Variants in COL4A1 observed in about 807,000 individuals in gnomAD.
COL4A1 encodes the protein collagen alpha-1(IV) chain.
COL4A1 carries 40 observed loss-of-function variants against 216.6 expected under a neutral mutation model. The ratio of observed to expected loss-of-function variants is 0.18; its 90% CI spans 0.14 to 0.24. COL4A1 has a LOEUF of 0.24. Among genes scored for constraint, COL4A1 ranks in the 10% least tolerant of loss-of-function variants. The probability of loss-of-function intolerance (pLI) is 1.00; values close to 1 mark genes in which losing one functional copy is unlikely to be tolerated. For missense variants in COL4A1, 1,628 were observed against 2,196.8 expected, an observed-to-expected ratio of 0.74 and a Z score of 5.18; for synonymous variants, 839 against 810.7, an observed-to-expected ratio of 1.03 and a Z score of -0.59.
intron 2 of COL4A1, among the ~76,000 whole-genome samples, chr13:110,228,128 G>A (rs928848918): frequency 2.0e-5 from 3 of 152,018 alleles, no homozygotes; most frequent in African/African-American, 4.8e-5. Context: ...GGACCATCGC[G>A]GAGCACCTGC....
chr13:110,227,387 G>GACACACACACACAC (rs373355054), intron 2 of COL4A1, among the ~76,000 whole-genome samples: 1 of 138,672 alleles, frequency 7.2e-6, no homozygotes, highest in Non-Finnish European at 1.5e-5. Context: ...GGGTACGGTA[G>GACACACACACACAC]ACACACACAC....
At position 110,203,756 on chromosome 13, in the gene COL4A1, C is replaced by G. The variant is rs572763830; in HGVS notation, c.958-149G>C. ...CTCTTTAATATCTCTCATTCTGTGACGATTACAACAAAAATGAATAGATTT... is the reference window on the plus strand; with the variant it reads ...CTCTTTAATATCTCTCATTCTGTGAGGATTACAACAAAAATGAATAGATTT... On this transcript the variant is annotated intron_variant, in intron 17 of 51. Transcript: ENST00000375820. The G allele has an allele frequency of 1.8e-4, 151 of 819,556 alleles. No homozygotes were observed. In the East Asian group the frequency reaches 3.9e-3, roughly 21 times the overall value. 50.8% of individuals were successfully genotyped at this position (819,556 alleles called of 1,614,324 possible).
chr13:110,183,066 C>T lies in COL4A1; in HGVS notation c.2022G>A (p.Arg674=), dbSNP rs755517991. The T allele has an allele frequency of 6.2e-7, 1 of 1,613,296 alleles. No homozygotes were observed. Among genetic ancestry groups the T allele is most frequent in the South Asian group, 1.1e-5 (1 of 90,906 alleles). The part of the protein sequence containing the change: ...GDRGFPGTPG[R]PGLPGEKGAV... ...CGCCCTTCTCTCCTGGCAGGCCTGG[C>T]CTTCCTGGGGTTCCGGGAAAGCCTC... is the stretch of plus-strand genomic sequence containing the variant. The change falls in exon 28 of 52, where the codon AGG becomes AGA. Residue 674 remains arginine (R), a synonymous_variant. Transcript: ENST00000375820.
intron 19 of COL4A1, 85 bp downstream of exon 19, chr13:110,201,349 GAGGA>G: frequency 1.2e-6 from 1 of 815,066 alleles, no homozygotes; most frequent in Non-Finnish European, 1.9e-6. Flanking sequence ...GGAACAGGAG[GAGGA>G]GGAGGAAGAG....
intron 1 of COL4A1, among the ~76,000 whole-genome samples, chr13:110,271,297 A>T (rs1883235936): frequency 6.6e-6 from 1 of 152,186 alleles, no homozygotes; most frequent in Admixed American, 6.5e-5. Flanking sequence ...GTAAGAGGAG[A>T]AGCAAGATAT....
chr13:110,150,330 A>G lies in COL4A1; in HGVS notation c.*33T>C. The G allele has an allele frequency of 6.3e-7, 1 of 1,594,894 alleles. No homozygotes were observed. The highest frequency in any genetic ancestry group is 1.1e-5 in the South Asian group (1 of 89,858). On this transcript the variant is annotated 3_prime_UTR_variant, in exon 52 of 52. Transcript: ENST00000375820. The stretch of plus-strand genomic sequence containing the variant: ...GTTAACAAAAAGAAGAAGAAGTAGC[A>G]CCATGTTGTGACATTAGCTGAGTCA...
intron 1 of COL4A1, among the ~76,000 whole-genome samples, chr13:110,267,700 G>T (rs191362241): frequency 6.6e-6 from 1 of 152,266 alleles, no homozygotes; most frequent in African/African-American, 2.4e-5. Flanking sequence ...ACATGGAGTA[G>T]ATAATAGCTA....
intron 2 of COL4A1, among the ~76,000 whole-genome samples, chr13:110,229,065 A>G (rs1388096324): frequency 2.6e-5 from 4 of 151,992 alleles, no homozygotes; most frequent in Non-Finnish European, 4.4e-5. Context: ...ATGAAGGCAC[A>G]TTGGCTCAAT....
rs1439215865 is a variant in COL4A1, at chr13:110,163,519, G to T, written c.4193C>A (p.Pro1398His). 2.5e-6 allele frequency: 4 copies of T among 1,614,116 alleles called. No individual in the cohort carries two copies. The highest frequency in any genetic ancestry group is 1.7e-5 in the Admixed American group (1 of 60,020). ...CTGGCCAGGGGCACCGTCAAACCCAGGAATACCTGGAGGTCCAGGTATACC... is the reference window on the plus strand; with the variant it reads ...CTGGCCAGGGGCACCGTCAAACCCATGAATACCTGGAGGTCCAGGTATACC... ...LVGIPGPPGIPGFDGAPGQKG... is the reference protein window; with the variant it reads ...LVGIPGPPGIHGFDGAPGQKG... The change falls in exon 47 of 52, where the codon CCT (proline) becomes CAT (histidine). Residue 1398 changes from proline (P) to histidine (H), a missense_variant. Pro to His is a moderately conservative substitution (Grantham distance 77). Around this residue, in one of 8 missense-constraint regions of COL4A1, gnomAD observed 345 missense variants for 476.9 expected, o/e 0.72. Coordinates refer to ENST00000375820, the MANE Select transcript of COL4A1 (RefSeq NM_001845.6).
intron 1 of COL4A1, among the ~76,000 whole-genome samples, chr13:110,275,736 A>G (rs1284339846): frequency 3.9e-5 from 6 of 152,250 alleles, no homozygotes. Context: ...AGCTATCAAG[A>G]CGTGAACAGA....
chr13:110,164,792 G>C, intron 46 of COL4A1, 70 bp downstream of exon 46: 1 of 1,582,188 alleles, frequency 6.3e-7, no homozygotes, highest in East Asian at 2.3e-5. Context: ...AGATACATGG[G>C]TGAGGAGGAA....
At chr13:110,243,520 T>C (rs1261455113) in intron 1 of COL4A1, among the ~76,000 whole-genome samples, 1 of 152,202 alleles carries the variant, frequency 6.6e-6, no homozygotes, top group Non-Finnish European at 1.5e-5. Context: ...GGTTTCATCA[T>C]GTTGACCAGG....
chr13:110,289,668 T>C (rs146024226), intron 1 of COL4A1, among the ~76,000 whole-genome samples: 36 of 152,338 alleles, frequency 2.4e-4, no homozygotes, highest in African/African-American at 8.2e-4. Flanking sequence ...AATTACGCTA[T>C]CTGTATTTTG....
chr13:110,214,574 C>G (rs900641308), intron 2 of COL4A1, among the ~76,000 whole-genome samples: 1 of 152,004 alleles, frequency 6.6e-6, no homozygotes, highest in Non-Finnish European at 1.5e-5. Context: ...AGTTGAGGCC[C>G]GGATAGAACA....
At chr13:110,169,929 G>GAGGGAGGGAGGGAGGGAGGAAGGGAGGA (rs1555302276) in intron 42 of COL4A1, among the ~76,000 whole-genome samples, 167 bp from the exon 43 acceptor site, 1 of 140,504 alleles carries the variant, frequency 7.1e-6, no homozygotes, top group African/African-American at 2.6e-5. Context: ...AGGAAGGAAG[G>GAGGGAGGGAGGGAGGGAGGAAGGGAGGA]AGGGAGGGAG....
intron 1 of COL4A1, among the ~76,000 whole-genome samples, chr13:110,297,595 C>A (rs1485179840): frequency 6.6e-6 from 1 of 152,124 alleles, no homozygotes; most frequent in Non-Finnish European, 1.5e-5. Context: ...TCATCTGACT[C>A]CAGAGTCTGA....
intron 1 of COL4A1, among the ~76,000 whole-genome samples, chr13:110,303,057 G>T (rs1884556637): frequency 6.6e-6 from 1 of 152,126 alleles, no homozygotes; most frequent in Admixed American, 6.5e-5. Flanking sequence ...GATCATCACT[G>T]GTGGGTTCCA....
chr13:110,152,310 C>CA (rs756835095), intron 51 of COL4A1, 24 bp downstream of exon 51: 4 of 1,613,576 alleles, frequency 2.5e-6, no homozygotes, highest in African/African-American at 2.7e-5. Context: ...CAGCAGCCTG[C>CA]AAAAAAGCAG....
At chr13:110,231,227 C>T (rs1406168760) in intron 2 of COL4A1, among the ~76,000 whole-genome samples, 4 of 152,172 alleles carry the variant, frequency 2.6e-5, no homozygotes, top group East Asian at 1.9e-4. Context: ...AGTCAAACAG[C>T]GACAAACAGT....
Sources: gnomAD v4.1 joint callset for allele counts (sites outside exome capture counted in the v4.1 genomes callset) on GRCh38, gnomAD v4.1.1 for gene constraint, gnomAD v4.1.1 regional missense constraint, MANE v1.5 for transcripts, NCBI Gene and HGNC (gene_info 2026-07-23, HGNC 2026-07-21) for gene names.